Variants in ACOX3 observed in about 807,000 individuals in gnomAD.
ACOX3 encodes the protein peroxisomal acyl-coenzyme A oxidase 3.
A neutral mutation model predicts 81.5 loss-of-function variants in ACOX3; 73 were observed. The ratio of observed to expected loss-of-function variants is 0.90; its 90% CI spans 0.74 to 1.09. The LOEUF (loss-of-function observed/expected upper bound fraction) is 1.09. Among genes scored for constraint, ACOX3 ranks in the 50% least tolerant of loss-of-function variants. The pLI, the probability that ACOX3 is intolerant of heterozygous loss-of-function variation, is 0.00. For synonymous variants in ACOX3, 387 were observed against 375.1 expected (o/e 1.03, Z -0.37); for missense variants, 947 against 928.0 (o/e 1.02, Z -0.27).
In ACOX3 at chr4:8,384,087, C is replaced by T. The variant is rs899346302; in HGVS notation, c.1538-2480G>A. On this transcript the variant is annotated intron_variant, in intron 13 of 17. Coordinates refer to ENST00000356406, the MANE Select transcript of ACOX3 (RefSeq NM_003501.3). This position sits in a 1 kb window ranked among gnomAD's most constrained non-coding sequence, Gnocchi z 5.3. ...GTGTCCCTCTGCGGTGGACACTTCA[C>T]GGCAGTTACCCGAGTTTTCCAATCT... Among the ~76,000 whole-genome samples, 1 of 152,190 alleles carries T rather than the reference C, an allele frequency of 6.6e-6. No homozygotes were observed. Among genetic ancestry groups the T allele is most frequent in the African/African-American group, 2.4e-5 (1 of 41,430 alleles).
At chr4:8,413,039 T>A (rs1721906787) in intron 5 of ACOX3, among the ~76,000 whole-genome samples, 1 of 137,412 alleles carries the variant, frequency 7.3e-6, no homozygotes, top group Admixed American at 7.4e-5. Context: ...CCCCAGGGCA[T>A]CCATCTGTGG....
At position 8,382,330 on chromosome 4, in the gene ACOX3, G is replaced by T. The variant is rs1487908839; in HGVS notation, c.1538-723C>A. ...GGCCCCCCACAGCACAGCCAGAGCT[G>T]GCCTCCCACAGTACTCCGTATGGAC... On this transcript the variant is annotated intron_variant, in intron 13 of 17. Coordinates refer to ENST00000356406, the MANE Select transcript of ACOX3 (RefSeq NM_003501.3). This position sits in a 1 kb window ranked among gnomAD's most constrained non-coding sequence, Gnocchi z 4.1. Among the ~76,000 whole-genome samples, 2 of 152,178 alleles carry T rather than the reference G, an allele frequency of 1.3e-5. No homozygotes were observed. Among genetic ancestry groups the T allele is most frequent in the Non-Finnish European group, 2.9e-5 (2 of 68,012 alleles).
chr4:8,396,485 T>C (rs544662346), intron 9 of ACOX3, among the ~76,000 whole-genome samples: 1 of 152,164 alleles, frequency 6.6e-6, no homozygotes, highest in East Asian at 1.9e-4. Flanking sequence ...GAGACCGGCC[T>C]GGCCAAAACA....
Position 8,370,825 on chromosome 4 carries a change from C to A in ACOX3, c.1983+83G>T. The stretch of plus-strand genomic sequence containing the variant: ...ACCACTTTCCAGAAGACACCAGACC[C>A]CTGACCCACAGGAGCATCTCAGCTC... On this transcript the variant is annotated intron_variant, in intron 17 of 17. Coordinates refer to ENST00000356406, the MANE Select transcript of ACOX3 (RefSeq NM_003501.3). This position sits in a 1 kb window ranked among gnomAD's most constrained non-coding sequence, Gnocchi z 6.3. 4 of 1,340,312 alleles carry A rather than the reference C, an allele frequency of 3.0e-6. No individual in the cohort carries two copies. The South Asian group carries it at 4.8e-5, about 16-fold the overall frequency. The allele number at this position is 1,340,312 out of a possible 1,614,324, so 83.0% of individuals were successfully genotyped here.
intron 17 of ACOX3, among the ~76,000 whole-genome samples, chr4:8,367,796 C>G (rs1715642134): frequency 9.1e-6 from 1 of 109,292 alleles, no homozygotes; most frequent in South Asian, 3.5e-4. Context: ...ACGGCGAAAC[C>G]CCATCTTTAC....
At chr4:8,371,117 C>A (rs145053808) in intron 16 of ACOX3, 123 bp from the exon 17 acceptor site, 3 of 795,662 alleles carry the variant, frequency 3.8e-6, no homozygotes, top group East Asian at 5.3e-5. Context: ...GCGGCACGTG[C>A]GGCTCTGCTG....
intron 1 of ACOX3, 61 bp downstream of exon 1, chr4:8,440,587 G>C (rs1724566079): frequency 2.1e-6 from 1 of 484,472 alleles, no homozygotes; most frequent in African/African-American, 2.0e-5. Flanking sequence ...GTTTGATTCT[G>C]TAACTATACC....
intron 11 of ACOX3, among the ~76,000 whole-genome samples, chr4:8,390,306 T>G (rs1331263672): frequency 6.6e-6 from 1 of 151,608 alleles, no homozygotes; most frequent in Non-Finnish European, 1.5e-5. Flanking sequence ...GTCATGCCAC[T>G]GTACTCCAGC....
rs1295401020 is a variant in ACOX3 at position 8,393,443 on chromosome 4, C to T, written c.1180-990G>A. On this transcript the variant is annotated intron_variant, in intron 10 of 17. Transcript: ENST00000356406. Reference sequence around the variant, plus strand: ...GGCAGAAATTGCAGTGAGCCAAGATCGCACCACTGCACTCCAGCCTGGGCA... The same window carrying T: ...GGCAGAAATTGCAGTGAGCCAAGATTGCACCACTGCACTCCAGCCTGGGCA... 3.9e-5 allele frequency among the ~76,000 whole-genome samples: 4 copies of T among 102,838 alleles called. 1 individual carries two copies. The East Asian group carries it at 8.1e-4, about 21-fold the overall frequency. The allele number at this position is 102,838 out of a possible 152,430, so 67.5% of individuals were successfully genotyped here.
intron 7 of ACOX3, among the ~76,000 whole-genome samples, chr4:8,404,426 CTTGTT>C (rs903846044): frequency 7.0e-6 from 1 of 143,214 alleles, no homozygotes; most frequent in African/African-American, 2.6e-5. Flanking sequence ...GCATATGTGT[CTTGTT>C]TTGCTTTTTT....
chr4:8,416,650 CA>C lies in ACOX3; in HGVS notation c.-14-116del. On this transcript the variant is annotated intron_variant, in intron 1 of 17. Coordinates refer to ENST00000356406, the MANE Select transcript of ACOX3 (RefSeq NM_003501.3). The surrounding 1 kb of genome is among the most constrained non-coding windows in gnomAD (Gnocchi z 4.2). ...ATCAGAGAAAAGTAAACTTGAAATCCAAAAGGATGGCAAAAGAGAATCACTC... is the reference window on the plus strand; with the variant it reads ...ATCAGAGAAAAGTAAACTTGAAATCCAAAGGATGGCAAAAGAGAATCACTC... The C allele has an allele frequency of 8.4e-7, 1 of 1,191,316 alleles. No homozygotes were observed. The highest frequency in any genetic ancestry group is 1.1e-6 in the Non-Finnish European group (1 of 883,286). The allele number at this position is 1,191,316 out of a possible 1,614,324, so 73.8% of individuals were successfully genotyped here. A position where few individuals can be genotyped will look rare whatever the true frequency, so the allele number is the denominator to read the frequency against.
intron 17 of ACOX3, among the ~76,000 whole-genome samples, chr4:8,367,692 G>C (rs1180300955): frequency 6.6e-6 from 1 of 150,834 alleles, no homozygotes; most frequent in Non-Finnish European, 1.5e-5. Flanking sequence ...ATTATTGGCT[G>C]GGTGAGGTGG....
Position 8,414,609 on chromosome 4 carries a change from G to C in ACOX3, c.454-228C>G, listed in dbSNP as rs1050458756. Among the ~76,000 whole-genome samples the C allele has an allele frequency of 6.6e-6, 1 of 152,170 alleles. No individual in the cohort carries two copies. The highest frequency in any genetic ancestry group is 1.5e-5 in the Non-Finnish European group (1 of 68,032). On this transcript the variant is annotated intron_variant, in intron 4 of 17. Transcript: ENST00000356406. This position sits in a 1 kb window ranked among gnomAD's most constrained non-coding sequence, Gnocchi z 6.1. Reference sequence around the variant, plus strand: ...CTGCTCCACGTCAGCAAGGTGGCAGGAACTGCTCATCAGGAAAAGACAGTG... The same window carrying C: ...CTGCTCCACGTCAGCAAGGTGGCAGCAACTGCTCATCAGGAAAAGACAGTG...
chr4:8,413,313 CT>C (rs1343429502), intron 5 of ACOX3, among the ~76,000 whole-genome samples: 1 of 139,918 alleles, frequency 7.1e-6, no homozygotes, highest in Admixed American at 7.2e-5. Flanking sequence ...CACTGCACCC[CT>C]GCGCCCCTCC....
intron 5 of ACOX3, among the ~76,000 whole-genome samples, chr4:8,411,523 C>T (rs1721724212): frequency 6.6e-6 from 1 of 152,172 alleles, no homozygotes; most frequent in Non-Finnish European, 1.5e-5. Context: ...CAGTCTCAGC[C>T]AGGCCCTCCC....
chr4:8,425,625 C>T (rs1313948032), intron 1 of ACOX3, among the ~76,000 whole-genome samples: 2 of 148,916 alleles, frequency 1.3e-5, no homozygotes, highest in East Asian at 2.0e-4. Flanking sequence ...AAAGAACAGG[C>T]CATTACCCAG....
chr4:8,372,567 CAG>C (rs1716351703), intron 16 of ACOX3, among the ~76,000 whole-genome samples: 1 of 152,174 alleles, frequency 6.6e-6, no homozygotes, highest in East Asian at 1.9e-4. Context: ...TCCCTGTGGC[CAG>C]TTCGATGTTA....
chr4:8,418,884 C>T (rs1722628001), intron 1 of ACOX3, among the ~76,000 whole-genome samples: 1 of 152,082 alleles, frequency 6.6e-6, no homozygotes, highest in South Asian at 2.1e-4. Flanking sequence ...AAACAAACAA[C>T]AACAACAACA....
At chr4:8,433,376 T>A (rs1279032291) in intron 1 of ACOX3, among the ~76,000 whole-genome samples, 1 of 152,244 alleles carries the variant, frequency 6.6e-6, no homozygotes, top group African/African-American at 2.4e-5. Flanking sequence ...AGGCAGAGAT[T>A]GAAGTGCTGG....
Sources: gnomAD v4.1 joint callset for allele counts (sites outside exome capture counted in the v4.1 genomes callset) on GRCh38, gnomAD v4.1.1 for gene constraint, Gnocchi (gnomAD v3.1) non-coding constraint, MANE v1.5 for transcripts, NCBI Gene and HGNC (gene_info 2026-07-23, HGNC 2026-07-21) for gene names.